PATJ: variants seen among roughly 807,000 people sequenced by gnomAD.
PATJ encodes the protein inaD-like protein.
Under a neutral mutation model 224.9 loss-of-function variants are expected in PATJ, and 190 were observed. The observed-to-expected ratio is 0.84, with a 90% confidence interval of 0.75 to 0.95. PATJ has a LOEUF of 0.95. Ranked by LOEUF, PATJ falls within the 40% of genes least tolerant of loss-of-function variation. The pLI is 0.00. For synonymous variants in PATJ, 769 were observed against 820.3 expected (o/e 0.94, Z 1.07); for missense variants, 2,121 against 2,270.3 (o/e 0.93, Z 1.34).
intron 27 of PATJ, among the ~76,000 whole-genome samples, chr1:61,988,580 T>A (rs889166661): frequency 6.6e-6 from 1 of 152,268 alleles, no homozygotes; most frequent in Non-Finnish European, 1.5e-5. Flanking sequence ...TACTGTATTT[T>A]GCTAAATGTG....
At chr1:61,910,366 C>A (rs1170525257) in intron 25 of PATJ, among the ~76,000 whole-genome samples, 1 of 152,054 alleles carries the variant, frequency 6.6e-6, no homozygotes, top group African/African-American at 2.4e-5. Flanking sequence ...ATGCCATGCT[C>A]AAGTTACTTA....
At chr1:61,822,066 C>T (rs1657385055) in intron 14 of PATJ, among the ~76,000 whole-genome samples, 1 of 152,100 alleles carries the variant, frequency 6.6e-6, no homozygotes, top group African/African-American at 2.4e-5. Context: ...TGGAAAAGGA[C>T]ATCTTAAATG....
intron 17 of PATJ, among the ~76,000 whole-genome samples, chr1:61,846,827 T>C (rs1428574137): frequency 6.6e-6 from 1 of 152,150 alleles, no homozygotes; most frequent in East Asian, 1.9e-4. Context: ...TCGAACTCCT[T>C]GTCTCAAGTG....
At chr1:61,992,525 T>A (rs1316309514) in intron 28 of PATJ, among the ~76,000 whole-genome samples, 1 of 152,198 alleles carries the variant, frequency 6.6e-6, no homozygotes, top group Admixed American at 6.5e-5. Flanking sequence ...TCTGTTATGT[T>A]ATACATATCT....
rs151009362 is a variant in PATJ, at chr1:61,881,080, C to T, written c.2960-3157C>T. Among the ~76,000 whole-genome samples the T allele has an allele frequency of 7.2e-5, 11 of 152,148 alleles. No homozygotes were observed. The South Asian group carries it at 1.9e-3, about 26-fold the overall frequency. ...CTGCACTCCAGCCTGGGTGACCAAG[C>T]GAGACCTTGTCTCAAAAATAAAATA... On this transcript the variant is annotated intron_variant, in intron 21 of 43. Coordinates refer to ENST00000642238, the MANE Select transcript of PATJ (RefSeq NM_001350145.3).
intron 13 of PATJ, among the ~76,000 whole-genome samples, chr1:61,807,203 G>T (rs1653761130): frequency 6.6e-6 from 1 of 152,020 alleles, no homozygotes; most frequent in Non-Finnish European, 1.5e-5. Flanking sequence ...TGAGAGACAG[G>T]GTCTTTCTCT....
chr1:61,951,556 G>A (rs1213686669), intron 27 of PATJ, among the ~76,000 whole-genome samples: 1 of 151,936 alleles, frequency 6.6e-6, no homozygotes, highest in African/African-American at 2.4e-5. Context: ...GTAGGGTAGG[G>A]TAGGGGGTGC....
At chr1:62,108,159 C>T (rs181090485) in intron 33 of PATJ, among the ~76,000 whole-genome samples, 15 of 152,296 alleles carry the variant, frequency 9.8e-5, no homozygotes, top group Admixed American at 9.1e-4. Flanking sequence ...ACCTCAAGTT[C>T]ATACACAGCA....
At chr1:61,998,165 C>T (rs1252072596) in intron 28 of PATJ, among the ~76,000 whole-genome samples, 1 of 149,802 alleles carries the variant, frequency 6.7e-6, no homozygotes, top group African/African-American at 2.5e-5. Context: ...CTGCAACCTC[C>T]ACCTCCTAAA....
chr1:62,123,082 G>C, intron 39 of PATJ, 24 bp downstream of exon 39: 1 of 1,566,866 alleles, frequency 6.4e-7, no homozygotes, highest in Non-Finnish European at 8.7e-7. Flanking sequence ...TTTGCTGTAT[G>C]TATTTTTCTG....
At position 62,086,244 on chromosome 1, in the gene PATJ, A is replaced by ATG. The variant is rs1392646790; in HGVS notation, c.4377+1610_4377+1611dup. ...AATTAATGCATGTGTGTGTGTGTGT[A>ATG]TGTGTGTGTGTGTGTTTAATACCTG... On this transcript the variant is annotated intron_variant, in intron 33 of 43. Coordinates refer to ENST00000642238, the MANE Select transcript of PATJ (RefSeq NM_001350145.3). This position sits in a 1 kb window ranked among gnomAD's most constrained non-coding sequence, Gnocchi z 4.0. Among the ~76,000 whole-genome samples, 14 of 135,860 alleles carry ATG rather than the reference A, an allele frequency of 1.0e-4. No individual in the cohort carries two copies. Among genetic ancestry groups the ATG allele is most frequent in the East Asian group, 5.8e-4 (3 of 5,132 alleles). 89.1% of individuals were successfully genotyped at this position (135,860 alleles called of 152,430 possible).
chr1:61,871,973 T>C (rs1666705311), intron 20 of PATJ, among the ~76,000 whole-genome samples: 1 of 151,986 alleles, frequency 6.6e-6, no homozygotes, highest in Non-Finnish European at 1.5e-5. Context: ...CCCAAAGTGC[T>C]GGGATTACAG....
intron 31 of PATJ, chr1:62,073,422 A>T: frequency 5.2e-6 from 3 of 571,456 alleles, no homozygotes; most frequent in South Asian, 7.7e-5. Context: ...CAGGAGTTCC[A>T]GACCAGACTG....
At chr1:62,084,299 T>C (rs1323398284) in intron 32 of PATJ, among the ~76,000 whole-genome samples, 1 of 151,996 alleles carries the variant, frequency 6.6e-6, no homozygotes, top group Non-Finnish European at 1.5e-5. Context: ...TCAAGTAAAA[T>C]TGATGGGTTG....
At chr1:61,847,523 G>C (rs994865172) in intron 17 of PATJ, among the ~76,000 whole-genome samples, 1 of 152,190 alleles carries the variant, frequency 6.6e-6, no homozygotes, top group Non-Finnish European at 1.5e-5. Flanking sequence ...ATCTTGAGTG[G>C]ACTGAATGTA....
At chr1:61,785,987 TC>T (rs1195232066) in intron 7 of PATJ, among the ~76,000 whole-genome samples, 1 of 152,168 alleles carries the variant, frequency 6.6e-6, no homozygotes, top group Non-Finnish European at 1.5e-5. Flanking sequence ...ATGTATCTTT[TC>T]TTTCAACTCA....
intron 42 of PATJ, among the ~76,000 whole-genome samples, chr1:62,148,943 A>G (rs1570818034): frequency 6.6e-6 from 1 of 152,052 alleles, no homozygotes; most frequent in East Asian, 1.9e-4. Flanking sequence ...CCTGGCCAAC[A>G]TGATGAAACC....
intron 33 of PATJ, among the ~76,000 whole-genome samples, chr1:62,105,843 G>C (rs1179840410): frequency 6.6e-6 from 1 of 151,474 alleles, no homozygotes; most frequent in Non-Finnish European, 1.5e-5. Context: ...GGGTTATTTA[G>C]TTATAGACCT....
chr1:62,096,846 A>G lies in PATJ; in HGVS notation c.4378-11591A>G, dbSNP rs562015851. ...TGGCCAGGCTAGTCTTGAACTCCTG[A>G]CCTCAGGTGATCCACCTGCCTCGGC... On this transcript the variant is annotated intron_variant, in intron 33 of 43. Coordinates refer to ENST00000642238, the MANE Select transcript of PATJ (RefSeq NM_001350145.3). Among the ~76,000 whole-genome samples the G allele has an allele frequency of 1.3e-4, 20 of 152,208 alleles. No individual in the cohort carries two copies. In the East Asian group the frequency reaches 3.7e-3, roughly 28 times the overall value.
Sources: gnomAD v4.1 joint callset for allele counts (sites outside exome capture counted in the v4.1 genomes callset) on GRCh38, gnomAD v4.1.1 for gene constraint, Gnocchi (gnomAD v3.1) non-coding constraint, MANE v1.5 for transcripts, NCBI Gene and HGNC (gene_info 2026-07-23, HGNC 2026-07-21) for gene names.